TTC39C: variants seen among roughly 807,000 people sequenced by gnomAD.
The protein encoded by TTC39C is tetratricopeptide repeat protein 39C.
In TTC39C, 33 loss-of-function variants were observed where a neutral mutation model predicts 76.3. The observed-to-expected ratio is 0.43, with a 90% CI of 0.33 to 0.58. The LOEUF (loss-of-function observed/expected upper bound fraction) is 0.58, where lower values mean the gene tolerates loss of function less well. Among genes scored for constraint, TTC39C ranks in the 20% least tolerant of loss-of-function variants. TTC39C has a pLI of 0.04. For missense variants in TTC39C, 595 were observed against 701.4 expected, an observed-to-expected ratio of 0.85 and a Z score of 1.71; for synonymous variants, 254 against 260.6, an observed-to-expected ratio of 0.97 and a Z score of 0.24.
intron 1 of TTC39C, among the ~76,000 whole-genome samples, chr18:24,025,189 A>G (rs954792560): frequency 1.3e-5 from 2 of 152,244 alleles, no homozygotes; most frequent in Non-Finnish European, 2.9e-5. Flanking sequence ...AATAATTTTG[A>G]CATGTCATTT....
intron 1 of TTC39C, among the ~76,000 whole-genome samples, chr18:24,052,447 A>G (rs2083962472): frequency 6.6e-6 from 1 of 152,206 alleles, no homozygotes; most frequent in African/African-American, 2.4e-5. Context: ...TAAAGCCCTA[A>G]GTATAGAAAA....
At position 24,075,814 on chromosome 18, in the gene TTC39C, G is replaced by A. The variant is rs138747086; in HGVS notation, c.461-4771G>A. Among the ~76,000 whole-genome samples the A allele has an allele frequency of 7.6e-4, 115 of 152,060 alleles. 1 individual carries two copies. The highest frequency in any genetic ancestry group is 2.4e-3 in the African/African-American group (99 of 41,492). Reference sequence around the variant, plus strand: ...GACAGACAGGCTTTAATAGATGCTTGCACCAGATACAGTCCCCCTGAAAAA... The same window carrying A: ...GACAGACAGGCTTTAATAGATGCTTACACCAGATACAGTCCCCCTGAAAAA... On this transcript the variant is annotated intron_variant, in intron 4 of 13. Transcript: ENST00000317571.
intron 10 of TTC39C, 59 bp downstream of exon 10, chr18:24,125,609 T>C: frequency 1.9e-6 from 3 of 1,597,766 alleles, no homozygotes; most frequent in Admixed American, 3.5e-5. Context: ...CTTCTGTCAG[T>C]GCGGCATTCT....
At chr18:24,091,455 AT>A (rs1319922277) in intron 6 of TTC39C, among the ~76,000 whole-genome samples, 1 of 152,160 alleles carries the variant, frequency 6.6e-6, no homozygotes, top group Non-Finnish European at 1.5e-5. Context: ...ACAACTGAGT[AT>A]TCACAGATGC....
intron 6 of TTC39C, among the ~76,000 whole-genome samples, chr18:24,102,970 GGT>G (rs1374512935): frequency 6.6e-6 from 1 of 152,106 alleles, no homozygotes; most frequent in Non-Finnish European, 1.5e-5. Flanking sequence ...AGCCAGGTGT[GGT>G]GTGCACATAG....
At chr18:24,101,188 TGAAAA>T (rs2145789767) in intron 6 of TTC39C, among the ~76,000 whole-genome samples, 1 of 152,138 alleles carries the variant, frequency 6.6e-6, no homozygotes, top group South Asian at 2.1e-4. Flanking sequence ...ATTTTATACT[TGAAAA>T]GGATGAATTT....
chr18:24,079,638 T>A (rs757739286), intron 4 of TTC39C, among the ~76,000 whole-genome samples: 13 of 152,200 alleles, frequency 8.5e-5, no homozygotes, highest in Non-Finnish European at 1.5e-4. Flanking sequence ...ACTCCTCAGA[T>A]ATACATGAAT....
chr18:24,045,524 A>T (rs2083857837), intron 1 of TTC39C, among the ~76,000 whole-genome samples: 1 of 152,258 alleles, frequency 6.6e-6, no homozygotes, highest in African/African-American at 2.4e-5. Flanking sequence ...TAGTTATAGA[A>T]TTGATGATTT....
intron 10 of TTC39C, 90 bp downstream of exon 10, chr18:24,125,640 T>A: frequency 6.5e-7 from 1 of 1,537,544 alleles, no homozygotes; most frequent in Non-Finnish European, 8.9e-7. Flanking sequence ...GTTTATTTCA[T>A]GTTTATCTCA....
chr18:24,021,787 A>T (rs1432966867), intron 1 of TTC39C, among the ~76,000 whole-genome samples: 1 of 152,108 alleles, frequency 6.6e-6, no homozygotes, highest in East Asian at 1.9e-4. Flanking sequence ...ATGCCTACAT[A>T]TATCTAAGGT....
intron 6 of TTC39C, among the ~76,000 whole-genome samples, chr18:24,107,673 G>C (rs1191559518): frequency 6.6e-6 from 1 of 152,214 alleles, no homozygotes; most frequent in East Asian, 1.9e-4. Context: ...ATGTGGAACT[G>C]TGAGTCCATT....
At chr18:24,089,926 T>A (rs2084496834) in intron 6 of TTC39C, among the ~76,000 whole-genome samples, 1 of 152,168 alleles carries the variant, frequency 6.6e-6, no homozygotes, top group African/African-American at 2.4e-5. Context: ...TATTTTAAGA[T>A]GTTAAGCAAT....
Position 24,096,018 on chromosome 18 carries a change from T to C in TTC39C, c.984+12937T>C, listed in dbSNP as rs555700694. On this transcript the variant is annotated intron_variant, in intron 6 of 13. Transcript: ENST00000317571. ...ACACAACATTTATCAACTAAGTTTG[T>C]TGTCTTATGTGGGCATGGTTTGTGG... 1.8e-4 allele frequency among the ~76,000 whole-genome samples: 27 copies of C among 152,330 alleles called. 1 individual carries two copies. The South Asian group carries it at 5.6e-3, about 32-fold the overall frequency.
chr18:24,117,592 C>G (rs940812480), intron 7 of TTC39C, among the ~76,000 whole-genome samples: 1 of 151,860 alleles, frequency 6.6e-6, no homozygotes, highest in Non-Finnish European at 1.5e-5. Context: ...ATCCCAGCTA[C>G]TTGGGAGGCT....
intron 6 of TTC39C, chr18:24,113,905 T>A: frequency 1.9e-6 from 1 of 526,392 alleles, no homozygotes; most frequent in Non-Finnish European, 3.4e-6. Context: ...GTAATCTGGA[T>A]CCTCAGGGAA....
chr18:24,020,212 T>C lies in TTC39C; in HGVS notation c.167+5174T>C, dbSNP rs574966118. 4 of 1,098,164 alleles carry C rather than the reference T, an allele frequency of 3.6e-6. No individual in the cohort carries two copies. In the Admixed American group the frequency reaches 1.5e-4, roughly 42 times the overall value. The allele number at this position is 1,098,164 out of a possible 1,614,324, so 68.0% of individuals were successfully genotyped here. On this transcript the variant is annotated intron_variant, in intron 1 of 13. Transcript: ENST00000317571. ...CCATCCTCTTCAACTCAGTGGTGTGTTGGAAAAAGGCATCTTTTTTCCCCC... is the reference window on the plus strand; with the variant it reads ...CCATCCTCTTCAACTCAGTGGTGTGCTGGAAAAAGGCATCTTTTTTCCCCC...
intron 1 of TTC39C, among the ~76,000 whole-genome samples, chr18:24,006,982 A>G (rs547985148): frequency 6.6e-6 from 1 of 152,234 alleles, no homozygotes; most frequent in South Asian, 2.1e-4. Flanking sequence ...ACGAAAAACC[A>G]GAGTATCAGG....
chr18:24,124,758 C>T (rs1367079491), intron 9 of TTC39C, among the ~76,000 whole-genome samples: 1 of 152,190 alleles, frequency 6.6e-6, no homozygotes, highest in Non-Finnish European at 1.5e-5. Flanking sequence ...GACTAAAAGG[C>T]ATCTAGTCTT....
intron 6 of TTC39C, among the ~76,000 whole-genome samples, chr18:24,092,994 G>A (rs1433454504): frequency 1.3e-5 from 2 of 152,160 alleles, no homozygotes; most frequent in African/African-American, 4.8e-5. Flanking sequence ...TCTGAGCCCA[G>A]GATGTTGAGC....
Sources: gnomAD v4.1 joint callset for allele counts (sites outside exome capture counted in the v4.1 genomes callset) on GRCh38, gnomAD v4.1.1 for gene constraint, MANE v1.5 for transcripts, NCBI Gene and HGNC (gene_info 2026-07-23, HGNC 2026-07-21) for gene names.